Variants in DLG2 observed in about 807,000 individuals in gnomAD.
DLG2 encodes the protein disks large homolog 2.
In DLG2, 45 loss-of-function variants were observed where a neutral mutation model predicts 132.5. That is an observed-to-expected ratio of 0.34 (90% CI 0.27 to 0.44). The LOEUF (loss-of-function observed/expected upper bound fraction) is 0.44. DLG2 is among the 20% of genes least tolerant of loss of function. DLG2 has a pLI of 1.00. For synonymous variants in DLG2, 424 were observed against 419.6 expected, an observed-to-expected ratio of 1.01 and a Z score of -0.13; for missense variants, 1,045 against 1,196.9, an observed-to-expected ratio of 0.87 and a Z score of 1.87.
At chr11:85,214,872 C>T (rs889286835) in intron 4 of DLG2, among the ~76,000 whole-genome samples, 2 of 152,132 alleles carry the variant, frequency 1.3e-5, no homozygotes, top group East Asian at 3.8e-4. Flanking sequence ...TGCCTGGGTG[C>T]TCTGAATGAT....
intron 6 of DLG2, among the ~76,000 whole-genome samples, chr11:84,980,037 T>C (rs1487162652): frequency 6.6e-6 from 1 of 152,138 alleles, no homozygotes; most frequent in Non-Finnish European, 1.5e-5. Context: ...TCAAAAATTT[T>C]TGGAAACCTT....
chr11:85,137,168 A>G (rs1397164660), intron 5 of DLG2, among the ~76,000 whole-genome samples: 2 of 152,116 alleles, frequency 1.3e-5, no homozygotes. Flanking sequence ...CTGAAGTGTT[A>G]CAAGTACAGG....
chr11:83,752,516 T>C lies in DLG2; in HGVS notation c.1825+34174A>G, dbSNP rs7932140. Reference sequence around the variant, plus strand: ...ATGGTGAAAATTGAAAATTGAGAAGTGACAATGGAGATCATTTGCAACACT... The same window carrying C: ...ATGGTGAAAATTGAAAATTGAGAAGCGACAATGGAGATCATTTGCAACACT... On this transcript the variant is annotated intron_variant, in intron 18 of 27. Coordinates refer to ENST00000376104, the MANE Select transcript of DLG2 (RefSeq NM_001142699.3). Among the ~76,000 whole-genome samples the C allele has an allele frequency of 2.7e-3, 405 of 152,252 alleles. 1 individual carries two copies. The highest frequency in any genetic ancestry group is 8.9e-3 in the African/African-American group (368 of 41,548).
intron 6 of DLG2, among the ~76,000 whole-genome samples, chr11:84,569,562 T>C (rs2099472225): frequency 6.6e-6 from 1 of 151,616 alleles, no homozygotes; most frequent in Non-Finnish European, 1.5e-5. Context: ...CAGATAGAAA[T>C]CCTAGAGATG....
At chr11:84,489,631 C>A (rs2099159535) in intron 7 of DLG2, among the ~76,000 whole-genome samples, 2 of 152,216 alleles carry the variant, frequency 1.3e-5, no homozygotes, top group Middle Eastern at 3.4e-3. Flanking sequence ...AAGCAAAACG[C>A]TGGCTCCAGG....
intron 10 of DLG2, among the ~76,000 whole-genome samples, chr11:84,083,830 A>G (rs968844165): frequency 3.3e-5 from 5 of 152,106 alleles, no homozygotes; most frequent in Admixed American, 3.3e-4. Flanking sequence ...ATATCTATTT[A>G]TTTTATTTAT....
chr11:83,462,663 A>G (rs2090253329), intron 26 of DLG2, among the ~76,000 whole-genome samples: 1 of 152,196 alleles, frequency 6.6e-6, no homozygotes. Flanking sequence ...AGTTATAGGA[A>G]TATTTCAAAA....
intron 6 of DLG2, among the ~76,000 whole-genome samples, chr11:85,059,311 G>A (rs1451811744): frequency 6.6e-6 from 1 of 151,354 alleles, no homozygotes; most frequent in Non-Finnish European, 1.5e-5. Flanking sequence ...ATACATTGCT[G>A]GTGGGAGTAT....
intron 18 of DLG2, among the ~76,000 whole-genome samples, chr11:83,690,827 A>G (rs2080861344): frequency 1.3e-5 from 2 of 152,190 alleles, no homozygotes; most frequent in South Asian, 2.1e-4. Flanking sequence ...TTTGTATGAA[A>G]CTTTTATATA....
rs182938410 is a variant in DLG2 at position 83,833,827 on chromosome 11, G to A, written c.1566-57C>T. On this transcript the variant is annotated intron_variant, in intron 16 of 27. Transcript: ENST00000376104. ...GGGTGATCCATTTAAGATTTACGTT[G>A]CTTTTACTTTCAATGGGATATATGA... The A allele has an allele frequency of 2.0e-5, 31 of 1,557,898 alleles. No homozygotes were observed. The East Asian group carries it at 4.7e-4, about 24-fold the overall frequency.
intron 7 of DLG2, among the ~76,000 whole-genome samples, chr11:84,491,118 C>T (rs1017289777): frequency 2.0e-5 from 3 of 151,988 alleles, no homozygotes; most frequent in Admixed American, 6.6e-5. Context: ...AATGTCAGAG[C>T]ACATTGCCAA....
intron 11 of DLG2, among the ~76,000 whole-genome samples, chr11:84,036,547 C>T (rs2095867716): frequency 6.6e-6 from 1 of 152,100 alleles, no homozygotes; most frequent in Admixed American, 6.6e-5. Context: ...GAAGCTTTCA[C>T]AATCAACTAT....
chr11:85,297,055 ATC>A (rs530612584), intron 3 of DLG2, among the ~76,000 whole-genome samples: 46 of 151,720 alleles, frequency 3.0e-4, no homozygotes, highest in African/African-American at 1.1e-3. Context: ...GTGCTAGAAA[ATC>A]TTATGAGAAT....
intron 3 of DLG2, among the ~76,000 whole-genome samples, chr11:85,369,425 T>C (rs1206632946): frequency 6.6e-6 from 1 of 152,182 alleles, no homozygotes; most frequent in African/African-American, 2.4e-5. Context: ...AAACTGTTTT[T>C]TTTTTCTTCC....
chr11:84,029,606 C>A lies in DLG2; in HGVS notation c.919+29709G>T, dbSNP rs558924791. On this transcript the variant is annotated intron_variant, in intron 11 of 27. Coordinates refer to ENST00000376104, the MANE Select transcript of DLG2 (RefSeq NM_001142699.3). ...AATAATACAGTAAAAATACATATTG[C>A]ATATTTGAGAAGCAATAATAATAAT... Among the ~76,000 whole-genome samples, 5 of 152,180 alleles carry A rather than the reference C, an allele frequency of 3.3e-5. No homozygotes were observed. In the South Asian group the frequency reaches 8.3e-4, roughly 25 times the overall value.
chr11:84,582,077 G>A (rs562326376), intron 6 of DLG2, among the ~76,000 whole-genome samples: 1 of 152,108 alleles, frequency 6.6e-6, no homozygotes, highest in East Asian at 1.9e-4. Context: ...ACTCAGGCCT[G>A]TCAGATAAGA....
chr11:83,722,385 G>A (rs1207378759), intron 18 of DLG2, among the ~76,000 whole-genome samples: 3 of 152,264 alleles, frequency 2.0e-5, no homozygotes, highest in African/African-American at 7.2e-5. Context: ...TATTTAATAA[G>A]GGTGCTAGCC....
In DLG2 at chr11:85,069,153, AAGATGGATTAAAGACTTAAATGTT is replaced by A. The variant is rs202247490; in HGVS notation, c.357+42484_357+42507del. On this transcript the variant is annotated intron_variant, in intron 6 of 27. Transcript: ENST00000376104. ...TTACACTTTATACAAAAATTAATTCAAGATGGATTAAAGACTTAAATGTTAGACCTAAAACCATAAAAATCCTAG... is the reference window on the plus strand; with the variant it reads ...TTACACTTTATACAAAAATTAATTCAAGACCTAAAACCATAAAAATCCTAG... Among the ~76,000 whole-genome samples the A allele has an allele frequency of 2.5e-3, 373 of 152,088 alleles. 9 individuals are homozygous for A. In the East Asian group the frequency reaches 0.061, roughly 25 times the overall value.
At chr11:83,575,931 G>GA (rs1355353364) in intron 19 of DLG2, among the ~76,000 whole-genome samples, 1 of 151,884 alleles carries the variant, frequency 6.6e-6, no homozygotes, top group Non-Finnish European at 1.5e-5. Flanking sequence ...GACAATGGGA[G>GA]AAAAAAATAA....
Sources: gnomAD v4.1 joint callset for allele counts (sites outside exome capture counted in the v4.1 genomes callset) on GRCh38, gnomAD v4.1.1 for gene constraint, MANE v1.5 for transcripts, NCBI Gene and HGNC (gene_info 2026-07-23, HGNC 2026-07-21) for gene names.